Variants in GALNT13 observed in about 807,000 individuals in gnomAD.
GALNT13 encodes polypeptide N-acetylgalactosaminyltransferase 13, also known as UDP-GalNAc:polypeptide N-acetylgalactosaminyltransferase 13.
GALNT13 carries 28 observed loss-of-function variants against 64.2 expected under a neutral mutation model. That is an observed-to-expected ratio of 0.44 (90% CI 0.32 to 0.60). The LOEUF is 0.60. Ranked by LOEUF, GALNT13 falls within the 20% of genes least tolerant of loss-of-function variation. GALNT13 has a pLI of 0.05. For missense variants in GALNT13, 577 were observed against 669.8 expected, an observed-to-expected ratio of 0.86 and a Z score of 1.53; for synonymous variants, 214 against 224.6, an observed-to-expected ratio of 0.95 and a Z score of 0.42.
chr2:154,232,915 G>C (rs1237685334), intron 4 of GALNT13, among the ~76,000 whole-genome samples: 1 of 151,054 alleles, frequency 6.6e-6, no homozygotes, highest in Non-Finnish European at 1.5e-5. Flanking sequence ...GGTGGCATGT[G>C]CCTGTAGTCC....
intron 3 of GALNT13, among the ~76,000 whole-genome samples, chr2:154,071,363 G>A (rs965568074): frequency 6.6e-6 from 1 of 152,114 alleles, no homozygotes; most frequent in Non-Finnish European, 1.5e-5. Flanking sequence ...TACAGCATGT[G>A]TAACAACTAC....
chr2:153,277,908 C>CTTTTCTTTTT, the GALNT13 span, among the ~76,000 whole-genome samples: 10 of 69,588 alleles, frequency 1.4e-4, no homozygotes, highest in Non-Finnish European at 3.3e-4. Flanking sequence ...TTTCTTTTTT[C>CTTTTCTTTTT]TTTTGTTTTC....
At chr2:153,841,739 G>T in the GALNT13 span, among the ~76,000 whole-genome samples, 2 of 152,056 alleles carry the variant, frequency 1.3e-5, no homozygotes, top group Admixed American at 1.3e-4. Flanking sequence ...CTGTATTATG[G>T]TTTGATCTCA....
intron 4 of GALNT13, among the ~76,000 whole-genome samples, chr2:154,146,659 T>C (rs1289527406): frequency 1.3e-5 from 2 of 152,038 alleles, no homozygotes; most frequent in African/African-American, 4.8e-5. Flanking sequence ...ACATTTGACT[T>C]ATAAAAGCAT....
the GALNT13 span, among the ~76,000 whole-genome samples, chr2:153,622,499 G>A: frequency 7.9e-5 from 12 of 152,142 alleles, no homozygotes; most frequent in Non-Finnish European, 1.6e-4. Flanking sequence ...GTTGAGGTAA[G>A]GCAAAGATGA....
chr2:153,321,628 C>A, the GALNT13 span, among the ~76,000 whole-genome samples: 6 of 152,068 alleles, frequency 3.9e-5, no homozygotes, highest in Non-Finnish European at 5.9e-5. Context: ...AGCCTAGATT[C>A]CCCCAAAAAG....
the GALNT13 span, among the ~76,000 whole-genome samples, chr2:153,561,687 CTTAGG>C: frequency 2.2e-5 from 3 of 139,322 alleles, no homozygotes; most frequent in African/African-American, 5.7e-5. Flanking sequence ...TTAATCACCA[CTTAGG>C]TTAGGTAAGA....
chr2:153,649,817 G>T, the GALNT13 span, among the ~76,000 whole-genome samples: 2 of 152,162 alleles, frequency 1.3e-5, no homozygotes, highest in African/African-American at 4.8e-5. Context: ...TGATTGCACT[G>T]TGGTCTGAGA....
the GALNT13 span, among the ~76,000 whole-genome samples, chr2:153,256,222 TTC>T: frequency 1.3e-5 from 2 of 151,650 alleles, no homozygotes; most frequent in Non-Finnish European, 3.0e-5. Flanking sequence ...TCATTTCATC[TTC>T]CATCGCTGAT....
the GALNT13 span, among the ~76,000 whole-genome samples, chr2:153,528,449 AAG>A: frequency 6.6e-6 from 1 of 151,958 alleles, no homozygotes; most frequent in African/African-American, 2.4e-5. Flanking sequence ...ATTAGAGCTA[AAG>A]AGAGACTCCA....
the GALNT13 span, among the ~76,000 whole-genome samples, chr2:153,385,100 T>C: frequency 6.6e-6 from 1 of 152,198 alleles, no homozygotes; most frequent in East Asian, 1.9e-4. Context: ...TGTAAATTAG[T>C]GCAACCACTA....
chr2:153,970,038 A>G (rs1048213948), intron 3 of GALNT13, among the ~76,000 whole-genome samples: 14 of 152,304 alleles, frequency 9.2e-5, no homozygotes, highest in African/African-American at 2.9e-4. Flanking sequence ...GGTGTTTACT[A>G]CGTAGCATGC....
the GALNT13 span, among the ~76,000 whole-genome samples, chr2:153,075,312 GT>G: frequency 6.6e-6 from 1 of 152,104 alleles, no homozygotes; most frequent in African/African-American, 2.4e-5. Flanking sequence ...TGAGTTAGAA[GT>G]TTTTTAAAAA....
the GALNT13 span, among the ~76,000 whole-genome samples, chr2:153,129,330 C>T: frequency 3.3e-5 from 5 of 152,154 alleles, no homozygotes; most frequent in African/African-American, 9.7e-5. Context: ...TAGGTGCTTT[C>T]TCTGGCAAAA....
the GALNT13 span, among the ~76,000 whole-genome samples, chr2:153,809,194 T>G: frequency 6.6e-6 from 1 of 152,232 alleles, no homozygotes; most frequent in Non-Finnish European, 1.5e-5. Context: ...CTTGTCTTTT[T>G]ATCATCGAAT....
At chr2:153,264,120 G>A in the GALNT13 span, among the ~76,000 whole-genome samples, 4 of 152,200 alleles carry the variant, frequency 2.6e-5, no homozygotes, top group African/African-American at 9.6e-5. Context: ...CCATTAAAAA[G>A]TGGGCATAGG....
At chr2:153,145,649 A>G in the GALNT13 span, among the ~76,000 whole-genome samples, 1 of 151,878 alleles carries the variant, frequency 6.6e-6, no homozygotes, top group Non-Finnish European at 1.5e-5. Context: ...TCCAAGTCCA[A>G]CCAGATGCTT....
chr2:153,247,843 A>G, the GALNT13 span, among the ~76,000 whole-genome samples: 2 of 152,166 alleles, frequency 1.3e-5, no homozygotes, highest in Non-Finnish European at 2.9e-5. Context: ...AGAAAAGAGA[A>G]GAATCGAATA....
At chr2:153,469,817 T>A in the GALNT13 span, among the ~76,000 whole-genome samples, 3 of 152,064 alleles carry the variant, frequency 2.0e-5, no homozygotes. Context: ...CCATTTCATA[T>A]AAAATCAATA....
Sources: gnomAD v4.1 joint callset for allele counts (sites outside exome capture counted in the v4.1 genomes callset) on GRCh38, gnomAD v4.1.1 for gene constraint, MANE v1.5 for transcripts, NCBI Gene and HGNC (gene_info 2026-07-23, HGNC 2026-07-21) for gene names.